SLC4A10: variants seen among roughly 807,000 people sequenced by gnomAD.
The protein encoded by SLC4A10 is sodium-driven chloride bicarbonate exchanger.
SLC4A10 carries 42 observed loss-of-function variants against 137.7 expected under a neutral mutation model. That is an observed-to-expected ratio of 0.30 (90% CI 0.24 to 0.39). The LOEUF is 0.39. Ranked by LOEUF, SLC4A10 falls within the 10% of genes least tolerant of loss-of-function variation. The pLI is 1.00. For missense variants in SLC4A10, 925 were observed against 1,355.0 expected, an observed-to-expected ratio of 0.68 and a Z score of 4.98; for synonymous variants, 474 against 464.1, an observed-to-expected ratio of 1.02 and a Z score of -0.27.
intron 23 of SLC4A10, among the ~76,000 whole-genome samples, chr2:161,969,246 A>G (rs1698107365): frequency 1.3e-5 from 2 of 152,218 alleles, no homozygotes; most frequent in South Asian, 4.1e-4. Flanking sequence ...CTTAAAATTC[A>G]ATAATGAGTT....
intron 1 of SLC4A10, among the ~76,000 whole-genome samples, chr2:161,755,858 C>T (rs961769840): frequency 6.6e-6 from 1 of 151,654 alleles, no homozygotes; most frequent in Non-Finnish European, 1.5e-5. Flanking sequence ...GCAACCTCTG[C>T]CTCCCAGGTA....
intron 19 of SLC4A10, among the ~76,000 whole-genome samples, chr2:161,954,155 C>T (rs1356458187): frequency 1.3e-5 from 2 of 152,158 alleles, no homozygotes; most frequent in African/African-American, 4.8e-5. Flanking sequence ...ACCATATTCT[C>T]TTGATGATTA....
intron 23 of SLC4A10, among the ~76,000 whole-genome samples, chr2:161,966,743 A>AAAAAAAAAAAAAAC (rs1553645656): frequency 6.7e-6 from 1 of 149,726 alleles, no homozygotes; most frequent in Non-Finnish European, 1.5e-5. Context: ...CTCAAAAAAA[A>AAAAAAAAAAAAAAC]AAAAAACAAA....
At chr2:161,641,881 C>T (rs2035372790) in intron 1 of SLC4A10, among the ~76,000 whole-genome samples, 1 of 152,014 alleles carries the variant, frequency 6.6e-6, no homozygotes, top group African/African-American at 2.4e-5. Context: ...AATTCAGGAA[C>T]TTATAATTAT....
intron 4 of SLC4A10, among the ~76,000 whole-genome samples, chr2:161,851,044 T>A (rs950449586): frequency 1.3e-5 from 2 of 152,226 alleles, no homozygotes; most frequent in African/African-American, 4.8e-5. Context: ...GATATTGATT[T>A]ATATTTTTAC....
chr2:161,886,752 G>T (rs72865206), intron 10 of SLC4A10, among the ~76,000 whole-genome samples: 10,403 of 151,716 alleles, frequency 0.069, 459 homozygotes, highest in East Asian at 0.13. Context: ...ATTGTTTGGT[G>T]GCTGTCTCAA....
chr2:161,915,496 A>G (rs1686921447), intron 15 of SLC4A10, among the ~76,000 whole-genome samples: 1 of 152,152 alleles, frequency 6.6e-6, no homozygotes, highest in Non-Finnish European at 1.5e-5. Context: ...GCTCTCACTG[A>G]TGGTGAGCAG....
At chr2:161,716,307 T>C (rs983523300) in intron 1 of SLC4A10, among the ~76,000 whole-genome samples, 29 of 152,282 alleles carry the variant, frequency 1.9e-4, no homozygotes, top group Admixed American at 3.9e-4. Flanking sequence ...ATAGTTTCTT[T>C]TGCTGTGCAG....
intron 1 of SLC4A10, among the ~76,000 whole-genome samples, chr2:161,750,440 C>G (rs775627431): frequency 3.3e-5 from 5 of 151,636 alleles, no homozygotes; most frequent in African/African-American, 1.2e-4. Context: ...GCTTTATTTT[C>G]TTTTGCCTTG....
intron 3 of SLC4A10, among the ~76,000 whole-genome samples, chr2:161,814,180 T>C (rs1422403008): frequency 2.0e-5 from 3 of 151,990 alleles, no homozygotes; most frequent in Non-Finnish European, 4.4e-5. Flanking sequence ...GAAGAAATGC[T>C]CAATATCACG....
At chr2:161,741,711 A>G (rs1459794952) in intron 1 of SLC4A10, among the ~76,000 whole-genome samples, 1 of 152,096 alleles carries the variant, frequency 6.6e-6, no homozygotes, top group Admixed American at 6.6e-5. Context: ...AGGTGTATAT[A>G]TTTATGGGGT....
At chr2:161,670,986 T>C (rs1435836840) in intron 1 of SLC4A10, among the ~76,000 whole-genome samples, 1 of 152,164 alleles carries the variant, frequency 6.6e-6, no homozygotes, top group African/African-American at 2.4e-5. Context: ...TATTTCTTCG[T>C]ATCTTTTCCC....
At chr2:161,941,249 A>G (rs930683993) in intron 15 of SLC4A10, among the ~76,000 whole-genome samples, 28 of 152,200 alleles carry the variant, frequency 1.8e-4, no homozygotes, top group Admixed American at 1.6e-3. Flanking sequence ...TGTCTACTGA[A>G]AAAGTAGCAA....
chr2:161,630,937 T>G (rs575582772), intron 1 of SLC4A10, among the ~76,000 whole-genome samples: 1 of 151,830 alleles, frequency 6.6e-6, no homozygotes, highest in Non-Finnish European at 1.5e-5. Flanking sequence ...TAACGCTAAT[T>G]AAACAATAAA....
chr2:161,814,049 A>G (rs1243043973), intron 3 of SLC4A10, among the ~76,000 whole-genome samples: 3 of 152,104 alleles, frequency 2.0e-5, no homozygotes, highest in Non-Finnish European at 4.4e-5. Flanking sequence ...GGGGTCTAAT[A>G]TCCAGAATCT....
chr2:161,905,215 A>T (rs892169206), intron 14 of SLC4A10, among the ~76,000 whole-genome samples: 2 of 152,172 alleles, frequency 1.3e-5, no homozygotes, highest in Non-Finnish European at 2.9e-5. Flanking sequence ...GACTGGTTTC[A>T]TGGAAGACAA....
intron 2 of SLC4A10, among the ~76,000 whole-genome samples, chr2:161,793,937 A>G (rs2054484180): frequency 6.6e-6 from 1 of 152,174 alleles, no homozygotes; most frequent in Non-Finnish European, 1.5e-5. Context: ...TGATTGAATT[A>G]GAAGATAATA....
At chr2:161,693,669 C>CT (rs774199734) in intron 1 of SLC4A10, among the ~76,000 whole-genome samples, 1,922 of 115,192 alleles carry the variant, frequency 0.017, 32 homozygotes, top group African/African-American at 0.029. Flanking sequence ...ACAAATTCGA[C>CT]TTTTTTTTTT....
rs112848503 is a variant in SLC4A10, at chr2:161,819,501, C to CT, written c.277+14917dup. Among the ~76,000 whole-genome samples, 778 of 144,346 alleles carry CT rather than the reference C, an allele frequency of 5.4e-3. 8 individuals carry two copies. The highest frequency in any genetic ancestry group is 0.017 in the African/African-American group (674 of 38,636). 94.7% of individuals were successfully genotyped at this position (144,346 alleles called of 152,430 possible). On this transcript the variant is annotated intron_variant, in intron 3 of 26. Transcript: ENST00000446997. The stretch of plus-strand genomic sequence containing the variant: ...CAGTAACAAAGCTGCTAAAATTTCA[C>CT]TTTTTTTTTTTGAGACAGAGTCTCA...
Sources: gnomAD v4.1 joint callset for allele counts (sites outside exome capture counted in the v4.1 genomes callset) on GRCh38, gnomAD v4.1.1 for gene constraint, MANE v1.5 for transcripts, NCBI Gene and HGNC (gene_info 2026-07-23, HGNC 2026-07-21) for gene names.